TXNDC11: variants seen among roughly 807,000 people sequenced by gnomAD.
TXNDC11 encodes the protein thioredoxin domain-containing protein 11.
Under a neutral mutation model 78.0 loss-of-function variants are expected in TXNDC11, and 68 were observed. The ratio of observed to expected loss-of-function variants is 0.87; its 90% confidence interval spans 0.72 to 1.07. TXNDC11 has a LOEUF of 1.07. Ranked by LOEUF, TXNDC11 falls within the 50% of genes least tolerant of loss-of-function variation. The pLI is 0.00. For synonymous variants in TXNDC11, 571 were observed against 495.2 expected (o/e 1.15, Z -2.03); for missense variants, 1,389 against 1,221.8 (o/e 1.14, Z -2.04).
intron 1 of TXNDC11, among the ~76,000 whole-genome samples, chr16:11,738,703 T>G (rs1314834519): frequency 6.6e-6 from 1 of 151,658 alleles, no homozygotes; most frequent in Non-Finnish European, 1.5e-5. Flanking sequence ...TCCAAAATTC[T>G]GCTCTTTGGA....
intron 1 of TXNDC11, 87 bp downstream of exon 1, chr16:11,742,390 G>A (rs2052427596): frequency 8.8e-7 from 1 of 1,142,040 alleles, no homozygotes; most frequent in Non-Finnish European, 1.1e-6. Flanking sequence ...TTCCCCGGCT[G>A]AGGCCGCTGC....
At position 11,691,309 on chromosome 16, in the gene TXNDC11, T is replaced by G. The variant is rs758941072; in HGVS notation, c.1881A>C (p.Ala627=). The G allele has an allele frequency of 3.1e-6, 5 of 1,613,716 alleles. No homozygotes were observed. In the Admixed American group the frequency reaches 6.7e-5, roughly 22 times the overall value. Residue 627 remains alanine, a synonymous_variant, in exon 8 of 12, where the codon GCA becomes GCC. Transcript: ENST00000283033. ...CAGTACCTAGGGTGAGCTTCATCAG[T>G]GCTTGCTTTGGATCCAAGATGTAAT... ...ESHYILDPKQ[A]LMKLTLESFI...
In TXNDC11 at chr16:11,691,379, T is replaced by C; in HGVS notation, c.1811A>G (p.Gln604Arg). The part of the protein sequence containing the change: ...AERLGAPSST[Q>R]VKEFAAIVDV... ...AACAATTGCCGCAAATTCTTTCACCTGAGTGGAGCTCGGAGCACCCAGTCT... is the reference window on the plus strand; with the variant it reads ...AACAATTGCCGCAAATTCTTTCACCCGAGTGGAGCTCGGAGCACCCAGTCT... The change falls in exon 8 of 12, where the codon CAG becomes CGG. Residue 604 changes from glutamine to arginine, a missense_variant. Coordinates refer to ENST00000283033, the MANE Select transcript of TXNDC11 (RefSeq NM_015914.7). 2 of 1,614,264 alleles carry C rather than the reference T, an allele frequency of 1.2e-6. No individual in the cohort carries two copies. Among genetic ancestry groups the C allele is most frequent in the Non-Finnish European group, 1.7e-6 (2 of 1,180,038 alleles).
At chr16:11,693,833 C>G (rs35722622) in intron 7 of TXNDC11, among the ~76,000 whole-genome samples, 1 of 151,946 alleles carries the variant, frequency 6.6e-6, no homozygotes, top group Non-Finnish European at 1.5e-5. Flanking sequence ...CAGATGCCCT[C>G]TGGCCCCATC....
intron 7 of TXNDC11, among the ~76,000 whole-genome samples, chr16:11,697,469 C>G (rs1342039338): frequency 6.6e-6 from 1 of 152,186 alleles, no homozygotes; most frequent in Non-Finnish European, 1.5e-5. Flanking sequence ...CAGGCTCGCT[C>G]TGCAAAATGT....
chr16:11,729,676 C>G (rs2051987090), intron 4 of TXNDC11, among the ~76,000 whole-genome samples: 1 of 152,256 alleles, frequency 6.6e-6, no homozygotes, highest in South Asian at 2.1e-4. Flanking sequence ...TACTTGTACT[C>G]AAGTATGATT....
At position 11,688,366 on chromosome 16, in the gene TXNDC11, C is replaced by T. The variant is rs61741271; in HGVS notation, c.1980G>A (p.Pro660=). 2,058 of 1,614,038 alleles carry T rather than the reference C, an allele frequency of 1.3e-3. 17 individuals are homozygous for T. The highest frequency in any genetic ancestry group is 9.1e-3 in the Middle Eastern group (55 of 6,062). Residue 660 remains proline (P), a synonymous_variant, in exon 9 of 12, where the codon CCG becomes CCA. Transcript: ENST00000283033. ...HLIGSGSAQF[P]SQHLITEVTT... ...TCACTTCAGTGATTAAATGCTGAGA[C>T]GGGAACTGGGCAGAGCCACTTCCAA... is the stretch of plus-strand genomic sequence containing the variant.
At chr16:11,695,724 C>A (rs571944468) in intron 7 of TXNDC11, among the ~76,000 whole-genome samples, 1 of 152,268 alleles carries the variant, frequency 6.6e-6, no homozygotes, top group African/African-American at 2.4e-5. Flanking sequence ...CTGGCTGCAT[C>A]TCTTCACTGT....
chr16:11,680,360 G>A (rs952521240), intron 11 of TXNDC11, among the ~76,000 whole-genome samples: 2 of 152,202 alleles, frequency 1.3e-5, no homozygotes, highest in Non-Finnish European at 2.9e-5. Context: ...TCAACTGGGG[G>A]TGACTGTACC....
At position 11,687,836 on chromosome 16, in the gene TXNDC11, C is replaced by T. The variant is rs761184862; in HGVS notation, c.2153+21G>A. 9.7e-6 allele frequency: 15 copies of T among 1,549,094 alleles called. No homozygotes were observed. In the South Asian group the frequency reaches 1.7e-4, roughly 17 times the overall value. On this transcript the variant is annotated intron_variant, in intron 10 of 11. Coordinates refer to ENST00000283033, the MANE Select transcript of TXNDC11 (RefSeq NM_015914.7). ...GAAAATGGGCATACAGCCCAAAGCG[C>T]TGCAGAAGAGGCCTGCTTACCTTGC...
chr16:11,716,282 T>C (rs914143986), intron 5 of TXNDC11, among the ~76,000 whole-genome samples: 1 of 152,196 alleles, frequency 6.6e-6, no homozygotes, highest in Non-Finnish European at 1.5e-5. Context: ...GCCACTGAAT[T>C]ATAGCAGAGT....
chr16:11,679,138 T>TA lies in TXNDC11; in HGVS notation c.*56dup. ...ACAATAAATTTCAATAAAATTTGCA[T>TA]AAATATATTCCCAATGTACAATTTT... On this transcript the variant is annotated 3_prime_UTR_variant, in exon 12 of 12. Coordinates refer to ENST00000283033, the MANE Select transcript of TXNDC11 (RefSeq NM_015914.7). This position sits in a 1 kb window ranked among gnomAD's most constrained non-coding sequence, Gnocchi z 4.6. 1 of 1,543,634 alleles carries TA rather than the reference T, an allele frequency of 6.5e-7. No individual in the cohort carries two copies. Among genetic ancestry groups the TA allele is most frequent in the Non-Finnish European group, 8.8e-7 (1 of 1,138,252 alleles).
chr16:11,708,886 G>C (rs1410083127), intron 5 of TXNDC11, among the ~76,000 whole-genome samples: 1 of 152,056 alleles, frequency 6.6e-6, no homozygotes, highest in African/African-American at 2.4e-5. Context: ...AGAAAAAGGA[G>C]AAAAATAGGA....
At chr16:11,721,919 G>A (rs895003896) in intron 4 of TXNDC11, among the ~76,000 whole-genome samples, 5 of 152,104 alleles carry the variant, frequency 3.3e-5, no homozygotes, top group African/African-American at 4.8e-5. Context: ...GTCATTCAGG[G>A]ACATTCAAAG....
At position 11,742,665 on chromosome 16, in the gene TXNDC11, C is replaced by A; in HGVS notation, c.66G>T (p.Gly22=). 1 of 1,468,352 alleles carries A rather than the reference C, an allele frequency of 6.8e-7. No homozygotes were observed. Among genetic ancestry groups the A allele is most frequent in the Non-Finnish European group, 9.0e-7 (1 of 1,116,710 alleles). 91.0% of individuals were successfully genotyped at this position (1,468,352 alleles called of 1,614,324 possible). ...SSSEDAEDEG[G]GGGGPAGSDC... ...CTGAGCCCGCGGGGCCGCCGCCGCC[C>A]CCTCCCTCGTCCTCGGCGTCCTCGC... Residue 22 remains glycine, a synonymous_variant, in exon 1 of 12, where the codon GGG becomes GGT. Transcript: ENST00000283033.
chr16:11,741,167 A>C (rs1187894908), intron 1 of TXNDC11, among the ~76,000 whole-genome samples: 3 of 152,226 alleles, frequency 2.0e-5, no homozygotes, highest in Non-Finnish European at 2.9e-5. Flanking sequence ...ATTATAATTT[A>C]TCTTTCCACT....
At chr16:11,680,345 G>A (rs3784921) in intron 11 of TXNDC11, among the ~76,000 whole-genome samples, 1 of 152,132 alleles carries the variant, frequency 6.6e-6, no homozygotes, top group Non-Finnish European at 1.5e-5. Flanking sequence ...CTAAGGCAGG[G>A]GTTCTCAACT....
chr16:11,736,565 C>A (rs1303092182), intron 1 of TXNDC11, among the ~76,000 whole-genome samples: 2 of 152,194 alleles, frequency 1.3e-5, no homozygotes, highest in Non-Finnish European at 2.9e-5. Flanking sequence ...CCACAAAAGC[C>A]ACTTATCTCC....
chr16:11,739,956 G>A (rs2052342544), intron 1 of TXNDC11, among the ~76,000 whole-genome samples: 1 of 151,962 alleles, frequency 6.6e-6, no homozygotes, highest in Non-Finnish European at 1.5e-5. Flanking sequence ...ACTTTGGGAG[G>A]CCGAAGTAGG....
Sources: allele counts gnomAD v4.1 joint callset (sites outside exome capture counted in the v4.1 genomes callset), GRCh38; gene constraint gnomAD v4.1.1; non-coding constraint Gnocchi (gnomAD v3.1); transcripts MANE v1.5; gene names NCBI Gene and HGNC (gene_info 2026-07-23, HGNC 2026-07-21).